The following FMNL1 variants were observed in gnomAD, a reference collection of about 807,000 sequenced individuals.
FMNL1 encodes formin-like protein 1.
A neutral mutation model predicts 121.3 loss-of-function variants in FMNL1; 43 were observed. The observed-to-expected ratio is 0.35, with a 90% CI of 0.28 to 0.46. The LOEUF is 0.46. FMNL1 is among the 20% of genes least tolerant of loss of function. The pLI, the probability that FMNL1 is intolerant of heterozygous loss-of-function variation, is 1.00. For synonymous variants in FMNL1, 613 were observed against 613.5 expected (o/e 1.00, Z 0.01); for missense variants, 1,191 against 1,482.4 (o/e 0.80, Z 3.23).
At chr17:45,244,062 G>T in intron 18 of FMNL1, 37 bp downstream of exon 18, 1 of 1,599,360 alleles carries the variant, frequency 6.3e-7, no homozygotes, top group Admixed American at 1.7e-5. Flanking sequence ...TGACTTGGGA[G>T]GGGATGGGCA....
chr17:45,243,214 G>A lies in FMNL1; in HGVS notation c.2107G>A (p.Ala703Thr). The A allele has an allele frequency of 1.9e-6, 3 of 1,614,170 alleles. No individual in the cohort carries two copies. Among genetic ancestry groups the A allele is most frequent in the Non-Finnish European group, 2.5e-6 (3 of 1,180,034 alleles). The change falls in exon 17 of 27, where the codon GCC becomes ACC. Residue 703 changes from alanine to threonine, a missense_variant. By Grantham distance (58) the Ala-to-Thr change is moderately conservative. Coordinates refer to ENST00000331495, the MANE Select transcript of FMNL1 (RefSeq NM_005892.4). ...SALKSKAAQKAPSKATLIEAN... is the reference protein window; with the variant it reads ...SALKSKAAQKTPSKATLIEAN... ...TCTCAAGAGTAAGGCAGCCCAGAAG[G>A]CCCCCAGCAAGGCGACACTCATTGA...
chr17:45,226,393 G>A (rs1220676188), intron 1 of FMNL1, among the ~76,000 whole-genome samples: 2 of 152,212 alleles, frequency 1.3e-5, no homozygotes, highest in African/African-American at 2.4e-5. Flanking sequence ...GGCAGGAAGT[G>A]GAGCTGGCTG....
chr17:45,239,046 G>A lies in FMNL1; in HGVS notation c.1061G>A (p.Gly354Asp). The A allele has an allele frequency of 3.7e-6, 6 of 1,614,154 alleles. No homozygotes were observed. Among genetic ancestry groups the A allele is most frequent in the Admixed American group, 1.7e-5 (1 of 60,022 alleles). Reference sequence around the variant, plus strand: ...CTGCAATATGAGTTCACCCACTTGGGCCTGGACCTGTACTTGGAGGTAAGC... The same window carrying A: ...CTGCAATATGAGTTCACCCACTTGGACCTGGACCTGTACTTGGAGGTAAGC... ...VFLQYEFTHL[G>D]LDLYLERLRL... The change falls in exon 11 of 27, where the codon GGC becomes GAC. Residue 354 changes from glycine to aspartate, a missense_variant. Transcript: ENST00000331495.
Position 45,234,124 on chromosome 17 carries a change from C to A in FMNL1, c.538C>A (p.Pro180Thr). The change falls in exon 6 of 27, where the codon CCC becomes ACC. Residue 180 changes from proline to threonine, a missense_variant. Pro to Thr is a conservative substitution (Grantham distance 38). This residue lies in a region of FMNL1 where 253 missense variants were observed against 417.5 expected (regional missense o/e 0.61). Transcript: ENST00000331495. ...NGASNSEKNK[P>T]LEQSVEDLSK... Reference sequence around the variant, plus strand: ...GGCTTCCAACTCAGAGAAAAACAAGCCCCTGGAGCAGTCTGTGGAAGACCT... The same window carrying A: ...GGCTTCCAACTCAGAGAAAAACAAGACCCTGGAGCAGTCTGTGGAAGACCT... 1.2e-6 allele frequency: 2 copies of A among 1,614,176 alleles called. No individual in the cohort carries two copies. Among genetic ancestry groups the A allele is most frequent in the Non-Finnish European group, 1.7e-6 (2 of 1,180,030 alleles).
intron 9 of FMNL1, chr17:45,238,338 G>A (rs1598199664): frequency 3.9e-6 from 2 of 511,090 alleles, no homozygotes; most frequent in East Asian, 3.4e-5. Flanking sequence ...AACAGTAAGT[G>A]CAAAGGCCCT....
At chr17:45,232,594 AGTGT>A (rs370739561) in intron 3 of FMNL1, 114 bp downstream of exon 3, 8 of 908,472 alleles carry the variant, frequency 8.8e-6, no homozygotes, top group East Asian at 5.4e-5. Flanking sequence ...TGCATGTATG[AGTGT>A]GTGTGTGTGT....
intron 10 of FMNL1, 47 bp from the exon 11 acceptor site, chr17:45,238,908 A>G: frequency 6.6e-7 from 1 of 1,525,028 alleles, no homozygotes; most frequent in South Asian, 1.1e-5. Flanking sequence ...GGCATTGAGC[A>G]ACCCCACCTA....
chr17:45,246,492 C>T lies in FMNL1; in HGVS notation c.3212-13C>T, dbSNP rs769473106. On this transcript the variant is annotated splice_polypyrimidine_tract_variant and intron_variant, in intron 25 of 26. Coordinates refer to ENST00000331495, the MANE Select transcript of FMNL1 (RefSeq NM_005892.4). ...TTTCTCTACTCCCCTTCACCTGCCC[C>T]ACCCCCACTCAGTGATCAAGACGGT... 1.2e-6 allele frequency: 2 copies of T among 1,614,166 alleles called. No homozygotes were observed. Among genetic ancestry groups the T allele is most frequent in the East Asian group, 2.2e-5 (1 of 44,890 alleles).
rs1598191695 is a variant in FMNL1 at position 45,233,953 on chromosome 17, GCCT to G, written c.486-109_486-107del. ...TGTTCAGCACAGTGCCAAGAACACAGCCTCCTCCTCCTGCTCCTTAGTCTCACC... is the reference window on the plus strand; with the variant it reads ...TGTTCAGCACAGTGCCAAGAACACAGCCTCCTCCTGCTCCTTAGTCTCACC... On this transcript the variant is annotated intron_variant, in intron 5 of 26. Coordinates refer to ENST00000331495, the MANE Select transcript of FMNL1 (RefSeq NM_005892.4). This position sits in a 1 kb window ranked among gnomAD's most constrained non-coding sequence, Gnocchi z 4.1. 1 of 1,442,846 alleles carries G rather than the reference GCCT, an allele frequency of 6.9e-7. No individual in the cohort carries two copies. The highest frequency in any genetic ancestry group is 9.3e-7 in the Non-Finnish European group (1 of 1,075,344). The allele number at this position is 1,442,846 out of a possible 1,614,324, so 89.4% of individuals were successfully genotyped here.
At chr17:45,222,527 T>C (rs2043248677) in intron 1 of FMNL1, among the ~76,000 whole-genome samples, 2 of 152,064 alleles carry the variant, frequency 1.3e-5, no homozygotes, top group Non-Finnish European at 2.9e-5. Context: ...GTATGTCCTG[T>C]GAAGAAGTTG....
rs577683238 is a variant in FMNL1 at position 45,238,736 on chromosome 17, C to T, written c.969+98C>T. On this transcript the variant is annotated intron_variant, in intron 10 of 26. Transcript: ENST00000331495. ...GGTGCTGGGCAATGGGCTCTGCCCC[C>T]GCAAAGCGTAAGGACTGAGTGGTCA... 9.5e-5 allele frequency: 139 copies of T among 1,465,640 alleles called. No homozygotes were observed. The African/African-American group carries it at 1.2e-3, about 13-fold the overall frequency. The allele number at this position is 1,465,640 out of a possible 1,614,324, so 90.8% of individuals were successfully genotyped here. A position where few individuals can be genotyped will look rare whatever the true frequency, so the allele number is the denominator to read the frequency against.
chr17:45,243,373 G>T, intron 17 of FMNL1, 53 bp downstream of exon 17: 1 of 1,590,852 alleles, frequency 6.3e-7, no homozygotes. Flanking sequence ...TGCTAGGCTG[G>T]GGTTGTCAGG....
intron 6 of FMNL1, among the ~76,000 whole-genome samples, chr17:45,235,498 A>G (rs1598194645): frequency 6.6e-6 from 1 of 152,310 alleles, no homozygotes; most frequent in East Asian, 1.9e-4. Context: ...GCCTCCTGGT[A>G]TTACTGGGAA....
rs992262856 is a variant in FMNL1, at chr17:45,245,886, G to A, written c.3003G>A (p.Glu1001=). The change falls in exon 24 of 27, where the codon GAG becomes GAA. Residue 1001 remains glutamate, a synonymous_variant. Transcript: ENST00000331495. The part of the protein sequence containing the change: ...SRFIKAYKKA[E]QEVEQWKKEA... ...ACTGCCTTGGCCCACAGAAAGCTGAGCAGGAGGTGGAACAGTGGAAAAAAG... is the reference window on the plus strand; with the variant it reads ...ACTGCCTTGGCCCACAGAAAGCTGAACAGGAGGTGGAACAGTGGAAAAAAG... 23 of 1,596,604 alleles carry A rather than the reference G, an allele frequency of 1.4e-5. No homozygotes were observed. The Admixed American group carries it at 3.2e-4, about 22-fold the overall frequency.
chr17:45,241,518 G>A lies in FMNL1; in HGVS notation c.1469G>A (p.Arg490His). ...GAGCTGGAGGAGAAGGGGTTAATCC[G>A]TATTCTGCGGGGGCCGGGGGATGCT... The part of the protein sequence containing the change: ...VEELEEKGLI[R>H]ILRGPGDAVS... Residue 490 changes from arginine (R) to histidine (H), a missense_variant, in exon 14 of 27, where the codon CGT becomes CAT. Arg to His is a conservative substitution (Grantham distance 29). This residue lies in a region of FMNL1 where 519 missense variants were observed against 492.8 expected (regional missense o/e 1.05). Transcript: ENST00000331495. This position sits in a 1 kb window ranked among gnomAD's most constrained non-coding sequence, Gnocchi z 7.0. The A allele has an allele frequency of 1.3e-6, 2 of 1,580,212 alleles. No individual in the cohort carries two copies. Among genetic ancestry groups the A allele is most frequent in the Non-Finnish European group, 1.7e-6 (2 of 1,164,094 alleles).
In FMNL1 at chr17:45,241,628, A is replaced by T; in HGVS notation, c.1579A>T (p.Ser527Cys). 1.3e-6 allele frequency: 2 copies of T among 1,507,210 alleles called. No individual in the cohort carries two copies. The highest frequency in any genetic ancestry group is 2.4e-5 in the East Asian group (1 of 42,234). 93.4% of individuals were successfully genotyped at this position (1,507,210 alleles called of 1,614,324 possible). A position where few individuals can be genotyped will look rare whatever the true frequency, so the allele number is the denominator to read the frequency against. Residue 527 changes from serine (S) to cysteine (C), a missense_variant, in exon 14 of 27, where the codon AGC becomes TGC. This residue lies in a region of FMNL1 where 519 missense variants were observed against 492.8 expected (regional missense o/e 1.05). Transcript: ENST00000331495. The surrounding 1 kb of genome is among the most constrained non-coding windows in gnomAD (Gnocchi z 7.0). ...TCCGGGGGTGCCGACCGGCTCCCCC[A>T]GCCCAGGTGCGCAGGAGCTTCAGGC... ...PTPGVPTGSP[S>C]PDLAPAAEPA...
chr17:45,229,923 G>C (rs1679034027), intron 1 of FMNL1, among the ~76,000 whole-genome samples: 1 of 152,096 alleles, frequency 6.6e-6, no homozygotes, highest in African/African-American at 2.4e-5. Context: ...AAATCTCCCC[G>C]CCCCTGCAGC....
In FMNL1 at chr17:45,241,893, G is replaced by A. The variant is rs1323130679; in HGVS notation, c.1632G>A (p.Pro544=). 8 of 1,424,264 alleles carry A rather than the reference G, an allele frequency of 5.6e-6. No homozygotes were observed. In the Admixed American group the frequency reaches 9.0e-5, roughly 16 times the overall value. 88.2% of individuals were successfully genotyped at this position (1,424,264 alleles called of 1,614,324 possible). A position where few individuals can be genotyped will look rare whatever the true frequency, so the allele number is the denominator to read the frequency against. The change falls in exon 15 of 27, where the codon CCG becomes CCA. Residue 544 remains proline (P), a synonymous_variant. Coordinates refer to ENST00000331495, the MANE Select transcript of FMNL1 (RefSeq NM_005892.4). This position sits in a 1 kb window ranked among gnomAD's most constrained non-coding sequence, Gnocchi z 7.0. ...CGGCTCCCGGAGCAGCGCCACCGCC[G>A]CCGCCCCCACTGCCCGGCCTCCCCT... ...AEPAPGAAPP[P]PPPLPGLPSP...
At chr17:45,238,811 G>A (rs968591001) in intron 10 of FMNL1, 144 bp from the exon 11 acceptor site, 13 of 1,067,048 alleles carry the variant, frequency 1.2e-5, no homozygotes, top group Non-Finnish European at 1.7e-5. Context: ...GGAACATGGA[G>A]GTGAAATGTT....
Sources: gnomAD v4.1 joint callset for allele counts (sites outside exome capture counted in the v4.1 genomes callset) on GRCh38, gnomAD v4.1.1 for gene constraint, gnomAD v4.1.1 regional missense constraint, Gnocchi (gnomAD v3.1) non-coding constraint, MANE v1.5 for transcripts, NCBI Gene and HGNC (gene_info 2026-07-23, HGNC 2026-07-21) for gene names.